The following RUFY2 variants were observed in gnomAD, a reference collection of about 807,000 sequenced individuals.
RUFY2 encodes RUN and FYVE domain-containing protein 2.
In RUFY2, 49 loss-of-function variants were observed where a neutral mutation model predicts 94.4. That is an observed-to-expected ratio of 0.52 (90% confidence interval 0.41 to 0.66). RUFY2 has a LOEUF of 0.66. Ranked by LOEUF, RUFY2 falls within the 30% of genes least tolerant of loss-of-function variation. RUFY2 has a pLI of 0.00. For missense variants in RUFY2, 541 were observed against 692.8 expected, an observed-to-expected ratio of 0.78 and a Z score of 2.46; for synonymous variants, 255 against 235.7, an observed-to-expected ratio of 1.08 and a Z score of -0.75.
intron 13 of RUFY2, among the ~76,000 whole-genome samples, chr10:68,370,594 C>G (rs1378301774): frequency 6.6e-6 from 1 of 151,494 alleles, no homozygotes; most frequent in Non-Finnish European, 1.5e-5. Context: ...TCACAGTGAG[C>G]CAGGTAGGGC....
intron 16 of RUFY2, among the ~76,000 whole-genome samples, chr10:68,346,961 A>C (rs1476065728): frequency 6.6e-6 from 1 of 152,076 alleles, no homozygotes; most frequent in East Asian, 1.9e-4. Context: ...CTCCATCTTT[A>C]CAAAAAAATT....
chr10:68,400,452 G>T (rs1005551559), intron 3 of RUFY2, among the ~76,000 whole-genome samples: 5 of 151,762 alleles, frequency 3.3e-5, no homozygotes, highest in Non-Finnish European at 7.4e-5. Flanking sequence ...CAAGGCGGGC[G>T]GATCACAAGG....
intron 7 of RUFY2, among the ~76,000 whole-genome samples, chr10:68,387,584 G>C (rs925784634): frequency 1.3e-5 from 2 of 152,130 alleles, no homozygotes; most frequent in African/African-American, 4.8e-5. Flanking sequence ...ATCATTCTTA[G>C]GTAGACAACT....
In RUFY2 at chr10:68,386,117, C is replaced by T; in HGVS notation, c.662G>A (p.Ser221Asn). Residue 221 changes from serine (S) to asparagine (N), a missense_variant, in exon 8 of 18, where the codon AGC becomes AAC. By Grantham distance (46) the Ser-to-Asn change is conservative. Transcript: ENST00000602465. ...ELNRQLNSTV[S>N]SLHSRVDSLE... ...TGAATCAACTCTTGAATGGAGGCTG[C>T]TGACTGTGCTGCTGAAATTAAGAAA... 6.2e-7 allele frequency: 1 copy of T among 1,610,212 alleles called. No individual in the cohort carries two copies. The highest frequency in any genetic ancestry group is 1.3e-5 in the African/African-American group (1 of 74,802).
At chr10:68,379,157 T>C in intron 12 of RUFY2, 1 of 336,158 alleles carries the variant, frequency 3.0e-6, no homozygotes, top group African/African-American at 2.2e-5. Flanking sequence ...TGTGTATTTG[T>C]TTTATGTAAC....
At chr10:68,397,404 T>C (rs2050468301) in intron 3 of RUFY2, among the ~76,000 whole-genome samples, 1 of 152,264 alleles carries the variant, frequency 6.6e-6, no homozygotes, top group South Asian at 2.1e-4. Context: ...TGAAATGTTA[T>C]GCAGCCCAGG....
chr10:68,359,550 TATAA>T (rs1181507231), intron 15 of RUFY2, among the ~76,000 whole-genome samples: 1 of 145,204 alleles, frequency 6.9e-6, no homozygotes, highest in Non-Finnish European at 1.5e-5. Context: ...TGCTACTATA[TATAA>T]AAATATATAT....
At chr10:68,402,568 A>C (rs541599514) in intron 2 of RUFY2, among the ~76,000 whole-genome samples, 1 of 152,264 alleles carries the variant, frequency 6.6e-6, no homozygotes, top group South Asian at 2.1e-4. Flanking sequence ...ACAGTCTAAA[A>C]ATAGTTTAAA....
chr10:68,385,361 A>G (rs924944193), intron 8 of RUFY2, among the ~76,000 whole-genome samples: 1 of 152,154 alleles, frequency 6.6e-6, no homozygotes, highest in Non-Finnish European at 1.5e-5. Context: ...CTGAAAATAT[A>G]TAAGCAATAA....
rs746646042 is a variant in RUFY2, at chr10:68,345,947, TTAAA to T, written c.1678-40_1678-37del. On this transcript the variant is annotated intron_variant, in intron 17 of 17. Transcript: ENST00000602465. ...GAAAAATCAGAGGGAAAAAAACACT[TTAAA>T]TAAAATTAGCATTTTTGCACTCCAA... The T allele has an allele frequency of 1.9e-6, 3 of 1,612,502 alleles. No homozygotes were observed. In the Admixed American group the frequency reaches 5.0e-5, roughly 27 times the overall value.
chr10:68,377,904 G>A, intron 12 of RUFY2: 1 of 985,146 alleles, frequency 1.0e-6, no homozygotes, highest in Non-Finnish European at 1.2e-6. Context: ...ATATTTCAGG[G>A]GTATAAATGC....
chr10:68,366,328 C>T (rs1353881314), intron 13 of RUFY2, among the ~76,000 whole-genome samples: 1 of 56,852 alleles, frequency 1.8e-5, no homozygotes, highest in African/African-American at 6.8e-5. Flanking sequence ...AGAACTCCAT[C>T]TCAAAAAAAA....
At chr10:68,377,591 A>G in intron 12 of RUFY2, 2 of 985,174 alleles carry the variant, frequency 2.0e-6, no homozygotes, top group Non-Finnish European at 2.4e-6. Context: ...ATCATTTGCT[A>G]GAGATCATTT....
chr10:68,378,308 T>C, intron 12 of RUFY2: 1 of 1,170,836 alleles, frequency 8.5e-7, no homozygotes, highest in Admixed American at 4.5e-5. Context: ...AAACTGCATT[T>C]GAAAATCCTG....
chr10:68,393,169 T>C lies in RUFY2; in HGVS notation c.619A>G (p.Asn207Asp). 1 of 1,554,406 alleles carries C rather than the reference T, an allele frequency of 6.4e-7. No individual in the cohort carries two copies. The highest frequency in any genetic ancestry group is 8.8e-7 in the Non-Finnish European group (1 of 1,134,024). ...VQIAAILDQK[N>D]YVEELNRQLN... is the part of the protein sequence containing the mutation. The stretch of plus-strand genomic sequence containing the variant: ...TGTCTATTTAATTCTTCAACATAAT[T>C]CTTTTGGTCTAATATGGCAGCAATT... The change falls in exon 7 of 18, where the codon AAT (asparagine) becomes GAT (aspartate). Residue 207 changes from asparagine (N) to aspartate (D), a missense_variant. Around this residue, in one of 3 missense-constraint regions of RUFY2, gnomAD observed 403 missense variants for 480.7 expected, o/e 0.84. Transcript: ENST00000602465.
intron 3 of RUFY2, among the ~76,000 whole-genome samples, chr10:68,399,485 A>G (rs914942964): frequency 9.2e-5 from 14 of 152,236 alleles, no homozygotes; most frequent in Non-Finnish European, 1.9e-4. Flanking sequence ...GCACTAAAGG[A>G]GATAATTCAT....
chr10:68,355,913 C>CAAAAAAAAAA (rs368423105), intron 15 of RUFY2, among the ~76,000 whole-genome samples: 1 of 76,740 alleles, frequency 1.3e-5, no homozygotes, highest in African/African-American at 4.2e-5. Flanking sequence ...GACTCCATCT[C>CAAAAAAAAAA]AAAAAAAAAA....
At chr10:68,355,657 G>A (rs2046993222) in intron 15 of RUFY2, 2 of 267,584 alleles carry the variant, frequency 7.5e-6, no homozygotes, top group Non-Finnish European at 7.2e-6. Context: ...GCTCATGCCT[G>A]TAATCCCAGC....
In RUFY2 at chr10:68,344,923, G is replaced by A. The variant is rs1370497765; in HGVS notation, c.*845C>T. Reference sequence around the variant, plus strand: ...CTCACTTTTAATGCTTAGAGGAGAGGACCTTTATAAGGAGCCTGTAACATC... The same window carrying A: ...CTCACTTTTAATGCTTAGAGGAGAGAACCTTTATAAGGAGCCTGTAACATC... On this transcript the variant is annotated 3_prime_UTR_variant, in exon 18 of 18. Coordinates refer to ENST00000602465, the MANE Select transcript of RUFY2 (RefSeq NM_001330103.2). The A allele has an allele frequency of 3.3e-5, 5 of 152,050 alleles. No individual in the cohort carries two copies. The allele number at this position is 152,050 out of a possible 1,614,324, so 9.4% of individuals were successfully genotyped here. A position where few individuals can be genotyped will look rare whatever the true frequency, so the allele number is the denominator to read the frequency against.
Sources: gnomAD v4.1 joint callset for allele counts (sites outside exome capture counted in the v4.1 genomes callset) on GRCh38, gnomAD v4.1.1 for gene constraint, gnomAD v4.1.1 regional missense constraint, MANE v1.5 for transcripts, NCBI Gene and HGNC (gene_info 2026-07-23, HGNC 2026-07-21) for gene names.